CENPF: variants seen among roughly 807,000 people sequenced by gnomAD.
The protein encoded by CENPF is centromere protein F.
In CENPF, 214 loss-of-function variants were observed where a neutral mutation model predicts 307.3. The observed-to-expected ratio is 0.70, with a 90% CI of 0.62 to 0.78. The LOEUF (loss-of-function observed/expected upper bound fraction) is 0.78, where lower values mean the gene tolerates loss of function less well. CENPF is among the 30% of genes least tolerant of loss of function. The pLI is 0.00. For synonymous variants in CENPF, 1,259 were observed against 1,270.6 expected, an observed-to-expected ratio of 0.99 and a Z score of 0.19; for missense variants, 3,401 against 3,483.9, an observed-to-expected ratio of 0.98 and a Z score of 0.60.
chr1:214,655,874 A>G (rs951230172), intron 17 of CENPF, among the ~76,000 whole-genome samples: 1 of 152,178 alleles, frequency 6.6e-6, no homozygotes, highest in Non-Finnish European at 1.5e-5. Context: ...TATAGGCAGG[A>G]GCCACCATGC....
intron 1 of CENPF, among the ~76,000 whole-genome samples, chr1:214,611,758 A>G (rs1437484151): frequency 6.6e-6 from 1 of 152,178 alleles, no homozygotes; most frequent in African/African-American, 2.4e-5. Context: ...ATGAGATTGC[A>G]TTTTTGATTT....
In CENPF at chr1:214,642,453, A is replaced by G. The variant is rs1658151220; in HGVS notation, c.4115A>G (p.Gln1372Arg). 1 of 1,597,632 alleles carries G rather than the reference A, an allele frequency of 6.3e-7. No individual in the cohort carries two copies. The stretch of plus-strand genomic sequence containing the variant: ...ATACCAGGAGGTGAATTTGGTGAAC[A>G]ACCAAATGAACAGCACCCTGTGTCT... ...EDIPGGEFGE[Q>R]PNEQHPVSLA... The change falls in exon 12 of 20, where the codon CAA becomes CGA. Residue 1372 changes from glutamine (Q) to arginine (R), a missense_variant. Physicochemically the swap from Gln to Arg is conservative, Grantham distance 43. Coordinates refer to ENST00000366955, the MANE Select transcript of CENPF (RefSeq NM_016343.4).
chr1:214,652,732 T>A, intron 15 of CENPF, 96 bp from the exon 16 acceptor site: 1 of 1,094,546 alleles, frequency 9.1e-7, no homozygotes, highest in East Asian at 2.6e-5. Flanking sequence ...TGTGAAACAC[T>A]GCGCCCAGCT....
Position 214,637,959 on chromosome 1 carries a change from C to T in CENPF, c.1540C>T (p.Gln514Ter). The T allele has an allele frequency of 6.2e-7, 1 of 1,613,134 alleles. No individual in the cohort carries two copies. The highest frequency in any genetic ancestry group is 8.5e-7 in the Non-Finnish European group (1 of 1,179,816). ...GGAGGCAGAACTCAAGAACATCAAA[C>T]AGTGTTTAAATCAGAGCCAGAATTT... is the stretch of plus-strand genomic sequence containing the variant. ...HLEAELKNIK[Q>*]CLNQSQNFAE... The change falls in exon 11 of 20, where the codon CAG becomes TAG. Residue 514 changes from glutamine to a stop codon, truncating the protein, a stop_gained. Coordinates refer to ENST00000366955, the MANE Select transcript of CENPF (RefSeq NM_016343.4). LOFTEE classifies it high-confidence loss of function.
Position 214,647,212 on chromosome 1 carries a change from C to G in CENPF, c.7642C>G (p.His2548Asp). Residue 2548 changes from histidine (H) to aspartate (D), a missense_variant, in exon 13 of 20, where the codon CAC becomes GAC. Transcript: ENST00000366955. ...VSKLSQVEGEHQLWKEQNLEL... is the reference protein window; with the variant it reads ...VSKLSQVEGEDQLWKEQNLEL... Reference sequence around the variant, plus strand: ...TAAACTGTCCCAGGTGGAAGGAGAGCACCAACTTTGGAAGGAGCAAAACTT... The same window carrying G: ...TAAACTGTCCCAGGTGGAAGGAGAGGACCAACTTTGGAAGGAGCAAAACTT... 1 of 1,614,078 alleles carries G rather than the reference C, an allele frequency of 6.2e-7. No homozygotes were observed. Among genetic ancestry groups the G allele is most frequent in the Non-Finnish European group, 8.5e-7 (1 of 1,179,974 alleles).
intron 3 of CENPF, among the ~76,000 whole-genome samples, chr1:214,618,140 C>T (rs1486803842): frequency 3.3e-5 from 5 of 152,124 alleles, no homozygotes. Flanking sequence ...TGAGAACGCA[C>T]TATCACGAGA....
In CENPF at chr1:214,630,637, A is replaced by G. The variant is rs1657781704; in HGVS notation, c.1298A>G (p.Asn433Ser). The change falls in exon 9 of 20, where the codon AAC (asparagine) becomes AGC (serine). Residue 433 changes from asparagine (N) to serine (S), a missense_variant. Physicochemically the swap from Asn to Ser is conservative, Grantham distance 46 (BLOSUM62 1). Coordinates refer to ENST00000366955, the MANE Select transcript of CENPF (RefSeq NM_016343.4). ...QELQQAKNMH[N>S]VLQAELDKLT... Reference sequence around the variant, plus strand: ...TTACAGCAAGCCAAGAATATGCACAACGTCCTGCAGGCTGAACTGGATAAA... The same window carrying G: ...TTACAGCAAGCCAAGAATATGCACAGCGTCCTGCAGGCTGAACTGGATAAA... The G allele has an allele frequency of 6.2e-7, 1 of 1,613,888 alleles. No homozygotes were observed.
chr1:214,651,001 T>C (rs1389261206), intron 14 of CENPF, among the ~76,000 whole-genome samples: 1 of 152,046 alleles, frequency 6.6e-6, no homozygotes, highest in Non-Finnish European at 1.5e-5. Context: ...TAGATGTCGA[T>C]TGAGATGAGC....
At chr1:214,647,957 A>G (rs781248463) in intron 13 of CENPF, 11 of 501,138 alleles carry the variant, frequency 2.2e-5, no homozygotes, top group South Asian at 1.0e-4. Context: ...GCAGTCTTCT[A>G]TTGTATTAGT....
intron 10 of CENPF, among the ~76,000 whole-genome samples, chr1:214,633,084 A>C (rs1558179058): frequency 6.6e-6 from 1 of 152,254 alleles, no homozygotes; most frequent in Non-Finnish European, 1.5e-5. Flanking sequence ...GTGACAGATA[A>C]AGAGTTTCTA....
intron 5 of CENPF, among the ~76,000 whole-genome samples, chr1:214,620,384 AT>A (rs1657471668): frequency 6.6e-6 from 1 of 152,238 alleles, no homozygotes; most frequent in African/African-American, 2.4e-5. Context: ...TCTAAGAAGG[AT>A]GCAGAATAAA....
Position 214,646,888 on chromosome 1 carries a change from A to T in CENPF, c.7318A>T (p.Met2440Leu). Residue 2440 changes from methionine (M) to leucine (L), a missense_variant, in exon 13 of 20, where the codon ATG becomes TTG. By Grantham distance (15) the Met-to-Leu change is conservative. Coordinates refer to ENST00000366955, the MANE Select transcript of CENPF (RefSeq NM_016343.4). ...GATGAAAGAAAAATCAAGCACTGCC[A>T]TGGAGATGCTTCAAACACAATTAAA... ...VQMKEKSSTA[M>L]EMLQTQLKEL... 1.2e-6 allele frequency: 2 copies of T among 1,614,074 alleles called. No individual in the cohort carries two copies. The highest frequency in any genetic ancestry group is 1.7e-6 in the Non-Finnish European group (2 of 1,179,970).
chr1:214,656,719 A>G (rs1299251650), intron 17 of CENPF, among the ~76,000 whole-genome samples: 2 of 152,214 alleles, frequency 1.3e-5, no homozygotes, highest in Non-Finnish European at 2.9e-5. Context: ...AGCTGTCCCA[A>G]TGAGTGTCAC....
intron 2 of CENPF, among the ~76,000 whole-genome samples, chr1:214,614,256 T>C (rs955309959): frequency 7.2e-5 from 11 of 152,146 alleles, no homozygotes; most frequent in African/African-American, 2.7e-4. Flanking sequence ...GCTTTTGCAC[T>C]GCATAGCAAC....
chr1:214,625,092 C>T (rs1356536868), intron 7 of CENPF, among the ~76,000 whole-genome samples: 1 of 152,134 alleles, frequency 6.6e-6, no homozygotes, highest in African/African-American at 2.4e-5. Flanking sequence ...GCCACTCCAG[C>T]TTTCCTTTGA....
intron 7 of CENPF, among the ~76,000 whole-genome samples, chr1:214,625,375 C>T (rs1657624617): frequency 6.6e-6 from 1 of 152,054 alleles, no homozygotes; most frequent in South Asian, 2.1e-4. Context: ...CACCCACGAC[C>T]ATGCCCGGCT....
rs757015299 is a variant in CENPF, at chr1:214,642,240, A to G, written c.3902A>G (p.Asn1301Ser). The G allele has an allele frequency of 1.9e-6, 3 of 1,614,128 alleles. No individual in the cohort carries two copies. Among genetic ancestry groups the G allele is most frequent in the South Asian group, 2.2e-5 (2 of 91,054 alleles). ...CSLQTTMNKL[N>S]ELEKICEILQ... Reference sequence around the variant, plus strand: ...CTGCAAACAACAATGAACAAGCTGAATGAGCTAGAGAAAATATGTGAAATA... The same window carrying G: ...CTGCAAACAACAATGAACAAGCTGAGTGAGCTAGAGAAAATATGTGAAATA... The change falls in exon 12 of 20, where the codon AAT becomes AGT. Residue 1301 changes from asparagine (N) to serine (S), a missense_variant. Physicochemically the swap from Asn to Ser is conservative, Grantham distance 46 (BLOSUM62 1). Transcript: ENST00000366955.
rs1490418621 is a variant in CENPF, at chr1:214,618,717, A to G, written c.481+23A>G. The G allele has an allele frequency of 2.5e-6, 4 of 1,591,700 alleles. No individual in the cohort carries two copies. In the African/African-American group the frequency reaches 4.1e-5, roughly 16 times the overall value. ...GTGGTAATGCATTTTCTTCCTTGGT[A>G]TAGACAGCTTTTTGTTTAGCTTGAG... On this transcript the variant is annotated intron_variant, in intron 4 of 19. Transcript: ENST00000366955.
chr1:214,616,831 CTTCCTCTTTCTTTCTTTCTTTCTT>C (rs1558170783), intron 3 of CENPF, among the ~76,000 whole-genome samples: 12 of 145,296 alleles, frequency 8.3e-5, no homozygotes, highest in Non-Finnish European at 1.8e-4. Context: ...TCTTTCCTTC[CTTCCTCTTTCTTTCTTTCTTTCTT>C]TCTTTCTTTC....
Sources: gnomAD v4.1 joint callset for allele counts (sites outside exome capture counted in the v4.1 genomes callset) on GRCh38, gnomAD v4.1.1 for gene constraint, MANE v1.5 for transcripts, NCBI Gene and HGNC (gene_info 2026-07-23, HGNC 2026-07-21) for gene names.